CADPS2: variants seen among roughly 807,000 people sequenced by gnomAD.
CADPS2 encodes calcium dependent secretion activator 2.
CADPS2 carries 93 observed loss-of-function variants against 172.5 expected under a neutral mutation model. That is an observed-to-expected ratio of 0.54 (90% CI 0.46 to 0.64). CADPS2 has a LOEUF of 0.64. Ranked by LOEUF, CADPS2 falls within the 30% of genes least tolerant of loss-of-function variation. CADPS2 has a pLI of 0.00. For synonymous variants in CADPS2, 546 were observed against 555.2 expected (o/e 0.98, Z 0.23); for missense variants, 1,420 against 1,565.9 (o/e 0.91, Z 1.57).
At chr7:122,431,039 C>T (rs1167649094) in intron 17 of CADPS2, among the ~76,000 whole-genome samples, 1 of 152,164 alleles carries the variant, frequency 6.6e-6, no homozygotes, top group Non-Finnish European at 1.5e-5. Flanking sequence ...TTAGTGCTTC[C>T]CCCACTTCTT....
chr7:122,699,944 C>T (rs927520238), intron 2 of CADPS2, among the ~76,000 whole-genome samples: 1 of 152,122 alleles, frequency 6.6e-6, no homozygotes, highest in Non-Finnish European at 1.5e-5. Flanking sequence ...TAAGTAGATG[C>T]TTTTATCAAA....
chr7:122,582,834 G>C (rs768419098), intron 6 of CADPS2, among the ~76,000 whole-genome samples: 6 of 151,864 alleles, frequency 4.0e-5, no homozygotes, highest in Non-Finnish European at 7.4e-5. Flanking sequence ...CAGTCTAATA[G>C]GTTTCCATAG....
intron 19 of CADPS2, among the ~76,000 whole-genome samples, chr7:122,412,318 T>A (rs2047407704): frequency 6.6e-6 from 1 of 152,322 alleles, no homozygotes; most frequent in East Asian, 1.9e-4. Context: ...TCAATTATTT[T>A]GCATAACCAC....
intron 28 of CADPS2, among the ~76,000 whole-genome samples, chr7:122,333,981 C>T (rs1450770903): frequency 6.6e-6 from 1 of 151,780 alleles, no homozygotes; most frequent in Non-Finnish European, 1.5e-5. Context: ...TCACTGTTGA[C>T]TTGAATCACA....
At chr7:122,642,644 C>T (rs1470457773) in intron 3 of CADPS2, among the ~76,000 whole-genome samples, 2 of 148,650 alleles carry the variant, frequency 1.3e-5, no homozygotes, top group African/African-American at 2.5e-5. Context: ...TTACTTATAT[C>T]TTAAAGAAAA....
chr7:122,799,033 T>C (rs1268401500), intron 1 of CADPS2, among the ~76,000 whole-genome samples: 1 of 152,028 alleles, frequency 6.6e-6, no homozygotes, highest in African/African-American at 2.4e-5. Context: ...CTTCCAATCG[T>C]AAAAATGCTG....
At chr7:122,646,602 T>C (rs188866325) in intron 3 of CADPS2, among the ~76,000 whole-genome samples, 117 of 152,234 alleles carry the variant, frequency 7.7e-4, no homozygotes, top group African/African-American at 2.8e-3. Context: ...CAGCGAGTAA[T>C]TCACTTTATC....
chr7:122,760,548 A>G (rs2093342836), intron 1 of CADPS2, among the ~76,000 whole-genome samples: 3 of 152,134 alleles, frequency 2.0e-5, no homozygotes, highest in Admixed American at 2.0e-4. Flanking sequence ...AGAGTTCAGT[A>G]CCATCCCTAG....
At chr7:122,330,875 C>G (rs1204998486) in intron 28 of CADPS2, 5 of 152,310 alleles carry the variant, frequency 3.3e-5, no homozygotes, top group South Asian at 4.1e-4. Flanking sequence ...TGGATTGAGT[C>G]TGTTACGCAC....
intron 27 of CADPS2, among the ~76,000 whole-genome samples, chr7:122,350,023 A>T (rs1339871735): frequency 6.6e-6 from 1 of 152,256 alleles, no homozygotes; most frequent in Non-Finnish European, 1.5e-5. Context: ...TCAAAGCTTA[A>T]CTAGAAGCTA....
At chr7:122,814,167 T>C (rs1322250136) in intron 1 of CADPS2, among the ~76,000 whole-genome samples, 1 of 150,008 alleles carries the variant, frequency 6.7e-6, no homozygotes. Flanking sequence ...TATGATAACA[T>C]GGTAAGAATT....
intron 2 of CADPS2, among the ~76,000 whole-genome samples, chr7:122,677,334 G>C (rs565327015): frequency 1.5e-4 from 23 of 152,270 alleles, no homozygotes; most frequent in African/African-American, 5.5e-4. Context: ...GGAACCAAGG[G>C]GCCAGGAGAC....
At chr7:122,545,135 GA>G (rs1468423752) in intron 8 of CADPS2, among the ~76,000 whole-genome samples, 1 of 152,098 alleles carries the variant, frequency 6.6e-6, no homozygotes, top group Non-Finnish European at 1.5e-5. Flanking sequence ...AACAAATGTG[GA>G]GTAATCTTCA....
At chr7:122,591,624 G>C (rs1028633542) in intron 6 of CADPS2, among the ~76,000 whole-genome samples, 2 of 152,022 alleles carry the variant, frequency 1.3e-5, no homozygotes, top group Admixed American at 6.6e-5. Context: ...GCATGGTGCT[G>C]GTACCAAAAC....
At position 122,454,045 on chromosome 7, in the gene CADPS2, T is replaced by C. The variant is rs146213030; in HGVS notation, c.2187-2570A>G. On this transcript the variant is annotated intron_variant, in intron 14 of 29. Transcript: ENST00000449022. ...ATATTAGGCATAAGAAGCAGCCTTC[T>C]ATATCTAAATTATTGGTAATAAATG... Among the ~76,000 whole-genome samples the C allele has an allele frequency of 3.0e-3, 458 of 152,312 alleles. 3 individuals carry two copies. The highest frequency in any genetic ancestry group is 0.011 in the African/African-American group (442 of 41,564).
In CADPS2 at chr7:122,515,831, TA is replaced by T. The variant is rs61378740; in HGVS notation, c.1476-2517del. On this transcript the variant is annotated intron_variant, in intron 8 of 29. Coordinates refer to ENST00000449022, the MANE Select transcript of CADPS2 (RefSeq NM_017954.11). ...TTAAAAGTATAATAAAAAAATTAATTAAAAAATAATAATAATTATATGTATT... is the reference window on the plus strand; with the variant it reads ...TTAAAAGTATAATAAAAAAATTAATTAAAAATAATAATAATTATATGTATT... 4.3e-3 allele frequency among the ~76,000 whole-genome samples: 610 copies of T among 140,758 alleles called. 6 individuals are homozygous for T. Among genetic ancestry groups the T allele is most frequent in the African/African-American group, 0.016 (585 of 37,472 alleles). 92.3% of individuals were successfully genotyped at this position (140,758 alleles called of 152,430 possible).
At chr7:122,721,892 C>G (rs145439395) in intron 2 of CADPS2, among the ~76,000 whole-genome samples, 1 of 152,006 alleles carries the variant, frequency 6.6e-6, no homozygotes, top group South Asian at 2.1e-4. Context: ...TCAATATACG[C>G]GAATCAATAA....
chr7:122,379,621 G>T, intron 24 of CADPS2, 179 bp from the exon 25 acceptor site: 1 of 542,384 alleles, frequency 1.8e-6, no homozygotes, highest in Non-Finnish European at 3.3e-6. Context: ...TTTACATTGT[G>T]GTTTGAAAAT....
chr7:122,372,408 C>T (rs1563175222), intron 25 of CADPS2, among the ~76,000 whole-genome samples: 1 of 152,036 alleles, frequency 6.6e-6, no homozygotes, highest in Non-Finnish European at 1.5e-5. Flanking sequence ...AAGGCCAAGA[C>T]CTTTTCTAGG....
Sources: gnomAD v4.1 joint callset for allele counts (sites outside exome capture counted in the v4.1 genomes callset) on GRCh38, gnomAD v4.1.1 for gene constraint, MANE v1.5 for transcripts, NCBI Gene and HGNC (gene_info 2026-07-23, HGNC 2026-07-21) for gene names.